Variants in SCML4 observed in about 807,000 individuals in gnomAD.
SCML4 encodes the protein Scm polycomb group protein like 4, also known as sex comb on midleg-like protein 4.
A neutral mutation model predicts 41.1 loss-of-function variants in SCML4; 34 were observed. That is an observed-to-expected ratio of 0.83 (90% CI 0.63 to 1.10). The LOEUF (loss-of-function observed/expected upper bound fraction) is 1.10. Among genes scored for constraint, SCML4 ranks in the 50% least tolerant of loss-of-function variants. SCML4 has a pLI of 0.00. For missense variants in SCML4, 522 were observed against 534.1 expected (o/e 0.98, Z 0.22); for synonymous variants, 214 against 220.9 (o/e 0.97, Z 0.28).
At chr6:107,820,009 C>A (rs12214852) in intron 1 of SCML4, among the ~76,000 whole-genome samples, 37,504 of 152,146 alleles carry the variant, frequency 0.25, 6,152 homozygotes, top group African/African-American at 0.47. Context: ...ATCTCCTCCG[C>A]GGCAGCAAAG....
intron 1 of SCML4, among the ~76,000 whole-genome samples, chr6:107,805,542 C>T (rs1172735301): frequency 2.6e-5 from 4 of 152,152 alleles, no homozygotes; most frequent in Non-Finnish European, 5.9e-5. Context: ...ACTTAATACA[C>T]CTGAAATCCT....
At chr6:107,734,742 G>A (rs1776891696) in intron 5 of SCML4, among the ~76,000 whole-genome samples, 1 of 152,214 alleles carries the variant, frequency 6.6e-6, no homozygotes. Flanking sequence ...CTACCCTGGA[G>A]AACACTCCCT....
In SCML4 at chr6:107,803,751, C is replaced by T. The variant is rs1783486854; in HGVS notation, c.-60+20375G>A. 6.7e-5 allele frequency among the ~76,000 whole-genome samples: 10 copies of T among 150,174 alleles called. No individual in the cohort carries two copies. In the South Asian group the frequency reaches 2.1e-3, roughly 32 times the overall value. On this transcript the variant is annotated intron_variant, in intron 1 of 7. Transcript: ENST00000369020. ...GATCCTGTTGATCTGTGACCTTACC[C>T]CCAACCCTGTGCTCTCTGAAACATG...
intron 1 of SCML4, among the ~76,000 whole-genome samples, chr6:107,818,307 A>G (rs900049916): frequency 2.6e-5 from 4 of 152,184 alleles, no homozygotes; most frequent in Non-Finnish European, 5.9e-5. Context: ...CACAGGCCAC[A>G]GTGGCAACAG....
chr6:107,751,637 T>C (rs1015196246), intron 2 of SCML4, among the ~76,000 whole-genome samples: 1 of 143,524 alleles, frequency 7.0e-6, no homozygotes, highest in African/African-American at 2.7e-5. Flanking sequence ...TTTCTTTCTT[T>C]CTTTCTTTCT....
chr6:107,787,756 A>G (rs1316913999), intron 1 of SCML4, among the ~76,000 whole-genome samples: 1 of 152,238 alleles, frequency 6.6e-6, no homozygotes, highest in Non-Finnish European at 1.5e-5. Context: ...CCAAGTAGGA[A>G]TCCATTCACC....
At chr6:107,722,162 A>C (rs1775496479) in intron 5 of SCML4, among the ~76,000 whole-genome samples, 2 of 151,832 alleles carry the variant, frequency 1.3e-5, no homozygotes, top group South Asian at 4.2e-4. Context: ...TTTTTAGTAG[A>C]GATGGGGTTT....
chr6:107,759,563 A>T (rs1036364477), intron 2 of SCML4, among the ~76,000 whole-genome samples: 1 of 152,134 alleles, frequency 6.6e-6, no homozygotes, highest in Non-Finnish European at 1.5e-5. Context: ...GAAAGCACAA[A>T]ATCTAGGACA....
chr6:107,839,343 A>G, the SCML4 span, among the ~76,000 whole-genome samples: 830 of 15,282 alleles, frequency 0.054, 8 homozygotes, highest in South Asian at 0.23. Flanking sequence ...GAGAGAGAAA[A>G]AGAAAGAAAG....
At chr6:107,817,716 G>T (rs1018606612) in intron 1 of SCML4, among the ~76,000 whole-genome samples, 1 of 150,744 alleles carries the variant, frequency 6.6e-6, no homozygotes, top group African/African-American at 2.5e-5. Context: ...TCTTTACTGG[G>T]TTCATGCCAA....
At chr6:107,820,977 A>G (rs1784908344) in intron 1 of SCML4, among the ~76,000 whole-genome samples, 1 of 152,232 alleles carries the variant, frequency 6.6e-6, no homozygotes, top group African/African-American at 2.4e-5. Flanking sequence ...ACCACGTTGG[A>G]AAATGTCACA....
intron 1 of SCML4, among the ~76,000 whole-genome samples, chr6:107,810,162 T>G (rs9386669): frequency 6.6e-6 from 1 of 151,848 alleles, no homozygotes; most frequent in Non-Finnish European, 1.5e-5. Flanking sequence ...AAGAGGAGTC[T>G]GTGGCTATTA....
chr6:107,755,804 G>A, intron 2 of SCML4: 1 of 273,734 alleles, frequency 3.7e-6, no homozygotes, highest in Non-Finnish European at 6.9e-6. Flanking sequence ...TTAGGATTAG[G>A]GTAGGGATTA....
Position 107,803,478 on chromosome 6 carries a change from G to A in SCML4, c.-60+20648C>T, listed in dbSNP as rs1480503380. ...CCGCCCGGTCCGGGAGGTGAGGGGC[G>A]CCTCTGCCCGGCCGCCCCTACTGGG... is the stretch of plus-strand genomic sequence containing the variant. On this transcript the variant is annotated intron_variant, in intron 1 of 7. Transcript: ENST00000369020. 3.0e-3 allele frequency among the ~76,000 whole-genome samples: 449 copies of A among 148,944 alleles called. 1 individual carries two copies. Among genetic ancestry groups the A allele is most frequent in the African/African-American group, 0.011 (426 of 40,186 alleles).
upstream of SCML4, among the ~76,000 whole-genome samples, chr6:107,824,687 T>G (rs949937739): frequency 6.6e-6 from 1 of 152,142 alleles, no homozygotes; most frequent in Non-Finnish European, 1.5e-5. Flanking sequence ...CAGTTTTCAT[T>G]ACCCCTCCTC....
chr6:107,755,606 C>T (rs752417048), intron 2 of SCML4: 14 of 1,346,630 alleles, frequency 1.0e-5, no homozygotes, highest in African/African-American at 3.0e-5. Context: ...CTCTGCCTGT[C>T]GCAACCTATC....
chr6:107,844,372 T>C, the SCML4 span, among the ~76,000 whole-genome samples: 2 of 152,196 alleles, frequency 1.3e-5, no homozygotes, highest in Non-Finnish European at 2.9e-5. Context: ...AAATTACTAA[T>C]GAGCTCACAA....
At chr6:107,717,288 C>T (rs1371656580) in intron 6 of SCML4, among the ~76,000 whole-genome samples, 1 of 86,452 alleles carries the variant, frequency 1.2e-5, no homozygotes, top group East Asian at 2.8e-4. Context: ...GAGACTCTGT[C>T]TCAAAAAAAA....
intron 1 of SCML4, among the ~76,000 whole-genome samples, chr6:107,786,708 C>T (rs1428794345): frequency 6.6e-6 from 1 of 152,188 alleles, no homozygotes; most frequent in Non-Finnish European, 1.5e-5. Flanking sequence ...TCCCAGCCCT[C>T]TTCCAGGACT....
Sources: allele counts gnomAD v4.1 joint callset (sites outside exome capture counted in the v4.1 genomes callset), GRCh38; gene constraint gnomAD v4.1.1; transcripts MANE v1.5; gene names NCBI Gene and HGNC (gene_info 2026-07-23, HGNC 2026-07-21).